The following TMEM200A variants were observed in gnomAD, a reference collection of about 807,000 sequenced individuals.
The protein encoded by TMEM200A is transmembrane protein 200A.
A neutral mutation model predicts 24.3 loss-of-function variants in TMEM200A; 12 were observed. The observed-to-expected ratio is 0.49, with a 90% confidence interval of 0.32 to 0.80. The LOEUF is 0.80. Ranked by LOEUF, TMEM200A falls within the 30% of genes least tolerant of loss-of-function variation. The pLI is 0.04. For synonymous variants in TMEM200A, 224 were observed against 224.4 expected (o/e 1.00, Z 0.02); for missense variants, 545 against 614.4 (o/e 0.89, Z 1.19).
intron 2 of TMEM200A, among the ~76,000 whole-genome samples, chr6:130,422,376 C>G (rs1215091428): frequency 2.0e-5 from 3 of 152,160 alleles, no homozygotes; most frequent in Non-Finnish European, 4.4e-5. Context: ...TCAAGTGATT[C>G]TACTGCATCA....
At chr6:130,433,373 G>A (rs1469069535) in intron 2 of TMEM200A, among the ~76,000 whole-genome samples, 1 of 152,058 alleles carries the variant, frequency 6.6e-6, no homozygotes, top group East Asian at 1.9e-4. Flanking sequence ...CCTGACCTCA[G>A]GTGATCCGCC....
At chr6:130,433,136 CTTTTT>C (rs34311658) in intron 2 of TMEM200A, among the ~76,000 whole-genome samples, 1 of 138,428 alleles carries the variant, frequency 7.2e-6, no homozygotes, top group East Asian at 2.1e-4. Context: ...AAAAGATGAT[CTTTTT>C]TTTTTTTTTT....
intron 2 of TMEM200A, among the ~76,000 whole-genome samples, chr6:130,431,046 A>G (rs1779863384): frequency 6.6e-6 from 1 of 152,194 alleles, no homozygotes; most frequent in Non-Finnish European, 1.5e-5. Flanking sequence ...TAAGACCTTT[A>G]GTAGCCTTAA....
intron 2 of TMEM200A, among the ~76,000 whole-genome samples, chr6:130,417,155 A>G (rs955596337): frequency 2.0e-5 from 3 of 152,168 alleles, no homozygotes; most frequent in Non-Finnish European, 4.4e-5. Context: ...ATCAAGTCTG[A>G]GTTGTTCATC....
In TMEM200A at chr6:130,369,857, C is replaced by T. The variant is rs143060888; in HGVS notation, c.-81+3333C>T. 1.3e-3 allele frequency among the ~76,000 whole-genome samples: 192 copies of T among 152,312 alleles called. 2 individuals carry two copies. The highest frequency in any genetic ancestry group is 4.4e-3 in the African/African-American group (182 of 41,552). ...CCTGTAGAGCCCTAATCACTCTGCT[C>T]TGAGCATGAAGTGCACCAAGGGGGG... is the stretch of plus-strand genomic sequence containing the variant. On this transcript the variant is annotated intron_variant, in intron 1 of 2. Coordinates refer to ENST00000296978, the MANE Select transcript of TMEM200A (RefSeq NM_001258277.2).
At position 130,366,904 on chromosome 6, in the gene TMEM200A, A is replaced by T. The variant is rs1428276279; in HGVS notation, c.-81+380A>T. Among the ~76,000 whole-genome samples the T allele has an allele frequency of 6.6e-6, 1 of 151,680 alleles. No individual in the cohort carries two copies. Among genetic ancestry groups the T allele is most frequent in the East Asian group, 2.0e-4 (1 of 5,118 alleles). ...CAGGGTTTCGTAAAGCAGTATCTGGATGGGGTAGAATCTACACAGGCAAAA... is the reference window on the plus strand; with the variant it reads ...CAGGGTTTCGTAAAGCAGTATCTGGTTGGGGTAGAATCTACACAGGCAAAA... On this transcript the variant is annotated intron_variant, in intron 1 of 2. Coordinates refer to ENST00000296978, the MANE Select transcript of TMEM200A (RefSeq NM_001258277.2). This position sits in a 1 kb window ranked among gnomAD's most constrained non-coding sequence, Gnocchi z 4.4.
At chr6:130,378,313 A>G (rs1778509129) in intron 1 of TMEM200A, among the ~76,000 whole-genome samples, 1 of 151,986 alleles carries the variant, frequency 6.6e-6, no homozygotes, top group African/African-American at 2.4e-5. Flanking sequence ...TAGTCTCAGA[A>G]GGAAATATGC....
rs772437929 is a variant in TMEM200A, at chr6:130,440,556, G to A, written c.134G>A (p.Arg45Gln). Residue 45 changes from arginine (R) to glutamine (Q), a missense_variant, in exon 3 of 3, where the codon CGG (arginine) becomes CAG (glutamine). By Grantham distance (43) the Arg-to-Gln change is conservative. Transcript: ENST00000296978. ...QEKKPIRRRP[R>Q]ADVVVVRGKI... is the part of the protein sequence containing the mutation. ...AAGAAGCCCATCAGGCGCCGGCCCC[G>A]GGCAGATGTTGTGGTTGTTCGTGGC... The A allele has an allele frequency of 1.2e-5, 19 of 1,614,020 alleles. No individual in the cohort carries two copies. Among genetic ancestry groups the A allele is most frequent in the Non-Finnish European group, 1.5e-5 (18 of 1,179,932 alleles).
At chr6:130,369,475 C>T (rs1562546490) in intron 1 of TMEM200A, among the ~76,000 whole-genome samples, 1 of 152,150 alleles carries the variant, frequency 6.6e-6, no homozygotes, top group Non-Finnish European at 1.5e-5. Context: ...ACACAGAAGT[C>T]TCCAATTACG....
chr6:130,427,542 A>G (rs1779775083), intron 2 of TMEM200A, among the ~76,000 whole-genome samples: 1 of 152,126 alleles, frequency 6.6e-6, no homozygotes, highest in Non-Finnish European at 1.5e-5. Context: ...TTTTGAAAGA[A>G]TTCATAGAAG....
At chr6:130,413,991 G>A (rs905287349) in intron 2 of TMEM200A, among the ~76,000 whole-genome samples, 5 of 152,096 alleles carry the variant, frequency 3.3e-5, no homozygotes, top group African/African-American at 1.2e-4. Context: ...TTCTGTTAGA[G>A]TATTATTTAT....
At chr6:130,381,431 C>T (rs758937752) in intron 1 of TMEM200A, among the ~76,000 whole-genome samples, 3 of 152,084 alleles carry the variant, frequency 2.0e-5, no homozygotes, top group Admixed American at 2.0e-4. Context: ...GAAGATGGCC[C>T]GTGAGGGAAG....
intron 2 of TMEM200A, among the ~76,000 whole-genome samples, chr6:130,391,744 T>C (rs1241671615): frequency 7.5e-6 from 1 of 133,530 alleles, no homozygotes; most frequent in African/African-American, 2.9e-5. Context: ...TTTTTTTTTT[T>C]TTTTTTTTTT....
intron 1 of TMEM200A, among the ~76,000 whole-genome samples, chr6:130,376,326 A>G (rs1778455438): frequency 6.6e-6 from 1 of 152,168 alleles, no homozygotes; most frequent in African/African-American, 2.4e-5. Context: ...GCTGGAGTGC[A>G]GTGATGTGAT....
chr6:130,436,236 A>G (rs1039785097), intron 2 of TMEM200A, among the ~76,000 whole-genome samples: 1 of 152,062 alleles, frequency 6.6e-6, no homozygotes, highest in Non-Finnish European at 1.5e-5. Flanking sequence ...TACAATTATT[A>G]CTCCTCCAGA....
At chr6:130,423,012 C>A (rs1000143156) in intron 2 of TMEM200A, among the ~76,000 whole-genome samples, 1 of 152,132 alleles carries the variant, frequency 6.6e-6, no homozygotes, top group Non-Finnish European at 1.5e-5. Flanking sequence ...CTTGGCATAA[C>A]AACAAAGTAA....
At chr6:130,377,504 C>A (rs1018348119) in intron 1 of TMEM200A, among the ~76,000 whole-genome samples, 3 of 152,130 alleles carry the variant, frequency 2.0e-5, no homozygotes, top group African/African-American at 7.2e-5. Flanking sequence ...CTACCTAGAA[C>A]CCCATGAACC....
chr6:130,414,977 T>C (rs1779415941), intron 2 of TMEM200A, among the ~76,000 whole-genome samples: 1 of 152,090 alleles, frequency 6.6e-6, no homozygotes, highest in Non-Finnish European at 1.5e-5. Context: ...ATATGAAATA[T>C]AAAGGAAAGG....
chr6:130,399,245 A>G (rs1042606420), intron 2 of TMEM200A, among the ~76,000 whole-genome samples: 41 of 151,998 alleles, frequency 2.7e-4, no homozygotes, highest in African/African-American at 9.9e-4. Context: ...CTTCATTGTA[A>G]GTAAGTATGC....
Sources: allele counts gnomAD v4.1 joint callset (sites outside exome capture counted in the v4.1 genomes callset), GRCh38; gene constraint gnomAD v4.1.1; non-coding constraint Gnocchi (gnomAD v3.1); transcripts MANE v1.5; gene names NCBI Gene and HGNC (gene_info 2026-07-23, HGNC 2026-07-21).